Variants in ADAMTS12 observed in about 807,000 individuals in gnomAD.
ADAMTS12 encodes ADAM metallopeptidase with thrombospondin type 1 motif 12.
ADAMTS12 carries 118 observed loss-of-function variants against 167.8 expected under a neutral mutation model. The observed-to-expected ratio is 0.70, with a 90% CI of 0.61 to 0.82. The LOEUF (loss-of-function observed/expected upper bound fraction) is 0.82, where lower values mean the gene tolerates loss of function less well. ADAMTS12 is among the 40% of genes least tolerant of loss of function. The pLI is 0.00. For missense variants in ADAMTS12, 1,916 were observed against 1,998.8 expected (o/e 0.96, Z 0.79); for synonymous variants, 704 against 716.9 (o/e 0.98, Z 0.29).
rs144374746 is a variant in ADAMTS12, at chr5:33,791,015, C to T, written c.490-39467G>A. On this transcript the variant is annotated intron_variant, in intron 2 of 23. Coordinates refer to ENST00000504830, the MANE Select transcript of ADAMTS12 (RefSeq NM_030955.4). ...CCCAGTCCCTCCACTACAGAGCATG[C>T]GGTCACACTCTCATGATGAAAGCAA... 2.4e-3 allele frequency among the ~76,000 whole-genome samples: 365 copies of T among 152,028 alleles called. 1 individual carries two copies. The highest frequency in any genetic ancestry group is 8.4e-3 in the African/African-American group (350 of 41,446).
intron 12 of ADAMTS12, among the ~76,000 whole-genome samples, chr5:33,635,779 C>A (rs1301844094): frequency 6.6e-6 from 1 of 152,160 alleles, no homozygotes; most frequent in Non-Finnish European, 1.5e-5. Flanking sequence ...AATAGCAACT[C>A]TGTAGACAGA....
At chr5:33,584,442 T>C (rs891431828) in intron 18 of ADAMTS12, among the ~76,000 whole-genome samples, 8 of 152,064 alleles carry the variant, frequency 5.3e-5, no homozygotes, top group Non-Finnish European at 8.8e-5. Flanking sequence ...TAGTGTTTCA[T>C]GCATAAAATG....
chr5:33,551,462 G>A (rs1026595927), intron 20 of ADAMTS12, among the ~76,000 whole-genome samples: 1 of 152,102 alleles, frequency 6.6e-6, no homozygotes, highest in African/African-American at 2.4e-5. Context: ...CTTAAAATTT[G>A]CCATAGAACA....
At chr5:33,677,282 T>C (rs923678773) in intron 5 of ADAMTS12, among the ~76,000 whole-genome samples, 3 of 152,214 alleles carry the variant, frequency 2.0e-5, no homozygotes, top group African/African-American at 7.2e-5. Flanking sequence ...GAGCAGTTTC[T>C]ACAAGCCAGA....
At chr5:33,561,757 G>A (rs1745759512) in intron 19 of ADAMTS12, among the ~76,000 whole-genome samples, 1 of 152,218 alleles carries the variant, frequency 6.6e-6, no homozygotes, top group Non-Finnish European at 1.5e-5. Flanking sequence ...CTCCAGCCTA[G>A]GTGCCAGGGT....
chr5:33,612,416 T>C (rs1485612808), intron 16 of ADAMTS12, among the ~76,000 whole-genome samples: 1 of 152,234 alleles, frequency 6.6e-6, no homozygotes, highest in African/African-American at 2.4e-5. Flanking sequence ...ATTCCTGATG[T>C]TCTGAAATAT....
intron 20 of ADAMTS12, among the ~76,000 whole-genome samples, chr5:33,553,743 C>G (rs1447823915): frequency 6.6e-6 from 1 of 152,176 alleles, no homozygotes; most frequent in African/African-American, 2.4e-5. Flanking sequence ...GGGAGAGGAT[C>G]AGGAAAAATA....
At chr5:33,768,442 T>C (rs1199032325) in intron 2 of ADAMTS12, among the ~76,000 whole-genome samples, 1 of 152,144 alleles carries the variant, frequency 6.6e-6, no homozygotes, top group East Asian at 1.9e-4. Context: ...ATAAGGAAAA[T>C]TCTTATTATT....
chr5:33,725,110 G>A (rs1713649001), intron 3 of ADAMTS12, among the ~76,000 whole-genome samples: 1 of 152,094 alleles, frequency 6.6e-6, no homozygotes, highest in Non-Finnish European at 1.5e-5. Flanking sequence ...AGCTCTGCTT[G>A]ATGAACAGGT....
intron 5 of ADAMTS12, among the ~76,000 whole-genome samples, chr5:33,670,463 C>A (rs922279434): frequency 6.6e-6 from 1 of 152,092 alleles, no homozygotes; most frequent in African/African-American, 2.4e-5. Flanking sequence ...CATAGGTGGC[C>A]GGGCGCGGTG....
chr5:33,635,002 C>T (rs565805556), intron 12 of ADAMTS12, among the ~76,000 whole-genome samples: 51 of 152,184 alleles, frequency 3.4e-4, no homozygotes, highest in African/African-American at 1.2e-3. Flanking sequence ...GTTCGGATTA[C>T]AGGGGTGCAC....
intron 13 of ADAMTS12, among the ~76,000 whole-genome samples, chr5:33,625,657 AG>A (rs1162775030): frequency 1.3e-5 from 2 of 152,234 alleles, no homozygotes; most frequent in East Asian, 1.9e-4. Context: ...TTGAATGGGT[AG>A]TTTTATATTT....
chr5:33,739,330 C>T (rs552622178), intron 3 of ADAMTS12, among the ~76,000 whole-genome samples: 2 of 152,296 alleles, frequency 1.3e-5, no homozygotes, highest in African/African-American at 4.8e-5. Flanking sequence ...ACACTACGCA[C>T]AGCCCCCACT....
At chr5:33,563,116 A>G (rs1164513204) in intron 19 of ADAMTS12, among the ~76,000 whole-genome samples, 1 of 152,184 alleles carries the variant, frequency 6.6e-6, no homozygotes, top group Non-Finnish European at 1.5e-5. Flanking sequence ...TCTCCTCCTT[A>G]TAATTCTTTA....
chr5:33,711,063 TAAC>T (rs1483690412), intron 3 of ADAMTS12, among the ~76,000 whole-genome samples: 1 of 152,108 alleles, frequency 6.6e-6, no homozygotes, highest in Non-Finnish European at 1.5e-5. Flanking sequence ...AAGATTCCAA[TAAC>T]AACTTTCAGC....
At chr5:33,686,942 G>T (rs1051411620) in intron 3 of ADAMTS12, among the ~76,000 whole-genome samples, 4,545 of 122,976 alleles carry the variant, frequency 0.037, 105 homozygotes, top group Non-Finnish European at 0.049. Flanking sequence ...TATATAGAGA[G>T]AGAGAGAGAG....
At chr5:33,616,732 T>G (rs928112683) in intron 14 of ADAMTS12, among the ~76,000 whole-genome samples, 2 of 152,242 alleles carry the variant, frequency 1.3e-5, no homozygotes, top group Admixed American at 1.3e-4. Context: ...TAGGAACTTA[T>G]AATTTATTCT....
At chr5:33,575,838 T>C (rs1339042962) in intron 19 of ADAMTS12, among the ~76,000 whole-genome samples, 2 of 152,210 alleles carry the variant, frequency 1.3e-5, no homozygotes, top group Non-Finnish European at 2.9e-5. Context: ...ACAATATATC[T>C]ATACAATTTC....
chr5:33,713,901 T>C (rs1047035950), intron 3 of ADAMTS12, among the ~76,000 whole-genome samples: 1 of 152,154 alleles, frequency 6.6e-6, no homozygotes, highest in African/African-American at 2.4e-5. Flanking sequence ...CTGGTCATTA[T>C]CATTCAGAGT....
Sources: gnomAD v4.1 joint callset for allele counts (sites outside exome capture counted in the v4.1 genomes callset) on GRCh38, gnomAD v4.1.1 for gene constraint, MANE v1.5 for transcripts, NCBI Gene and HGNC (gene_info 2026-07-23, HGNC 2026-07-21) for gene names.